Variants in CSNK1A1 observed in about 807,000 individuals in gnomAD.
CSNK1A1 encodes casein kinase 1 alpha 1, also known as casein kinase I isoform alpha.
A neutral mutation model predicts 46.1 loss-of-function variants in CSNK1A1; 7 were observed. The ratio of observed to expected loss-of-function variants is 0.15; its 90% CI spans 0.09 to 0.29. The LOEUF is 0.29. Among genes scored for constraint, CSNK1A1 ranks in the 10% least tolerant of loss-of-function variants. The pLI is 1.00. For synonymous variants in CSNK1A1, 137 were observed against 141.5 expected (o/e 0.97, Z 0.23); for missense variants, 96 against 417.1 (o/e 0.23, Z 6.71).
At chr5:149,506,526 C>T (rs528137536) in intron 8 of CSNK1A1, among the ~76,000 whole-genome samples, 5 of 152,144 alleles carry the variant, frequency 3.3e-5, no homozygotes, top group Non-Finnish European at 7.4e-5. Flanking sequence ...CGTGAGCCAC[C>T]GTACCTGGGC....
intron 2 of CSNK1A1, among the ~76,000 whole-genome samples, chr5:149,541,552 A>G (rs919159268): frequency 3.3e-5 from 5 of 152,358 alleles, no homozygotes; most frequent in African/African-American, 1.2e-4. Context: ...CATACACTGA[A>G]CACCAAGTTA....
chr5:149,501,576 T>C (rs527478616), intron 9 of CSNK1A1: 3 of 985,148 alleles, frequency 3.0e-6, no homozygotes, highest in East Asian at 1.1e-4. Context: ...TGAATGTCAA[T>C]ACTTTGAGAG....
chr5:149,542,641 T>C (rs1762311599), intron 2 of CSNK1A1, among the ~76,000 whole-genome samples: 3 of 3,404 alleles, frequency 8.8e-4, no homozygotes, highest in East Asian at 7.2e-3. Flanking sequence ...TATATATATG[T>C]ATATATATAT....
At chr5:149,523,745 T>C (rs1761647257) in intron 3 of CSNK1A1, among the ~76,000 whole-genome samples, 1 of 152,252 alleles carries the variant, frequency 6.6e-6, no homozygotes, top group Admixed American at 6.5e-5. Flanking sequence ...GTTACATGTA[T>C]ACAATGTGTA....
intron 4 of CSNK1A1, among the ~76,000 whole-genome samples, chr5:149,519,490 T>C (rs1261514279): frequency 6.6e-6 from 1 of 152,084 alleles, no homozygotes; most frequent in South Asian, 2.1e-4. Flanking sequence ...CTCAACATAG[T>C]ATCGATAAAG....
intron 2 of CSNK1A1, among the ~76,000 whole-genome samples, chr5:149,538,775 A>C (rs1303785472): frequency 1.3e-5 from 2 of 152,088 alleles, no homozygotes; most frequent in Admixed American, 1.3e-4. Context: ...ATACAAAATT[A>C]GCCGAGTGTG....
At chr5:149,504,477 C>T (rs938531497) in intron 9 of CSNK1A1, 2 of 985,444 alleles carry the variant, frequency 2.0e-6, no homozygotes, top group Non-Finnish European at 2.4e-6. Context: ...CCAAATCTTA[C>T]TTGCCCACTA....
chr5:149,511,787 G>C lies in CSNK1A1; in HGVS notation c.675+7C>G, dbSNP rs763134035. ...GAGAAAAATCTGATAATGTGAGTCT[G>C]GTTTACCTTTAGCCCTTGCCATGGC... On this transcript the variant is annotated splice_region_variant and intron_variant, in intron 6 of 9. Transcript: ENST00000377843. The C allele has an allele frequency of 1.5e-5, 23 of 1,574,974 alleles. No individual in the cohort carries two copies. Among genetic ancestry groups the C allele is most frequent in the Non-Finnish European group, 2.0e-5 (23 of 1,152,486 alleles).
Position 149,496,504 on chromosome 5 carries a change from T to G in CSNK1A1, c.*349A>C. ...GAAATGAGATCTCAAAGCAGTATAG[T>G]TCAAAACAAAAGGTTTTAACAAAAA... On this transcript the variant is annotated 3_prime_UTR_variant, in exon 10 of 10. Transcript: ENST00000377843. 3.4e-6 allele frequency: 1 copy of G among 290,918 alleles called. No individual in the cohort carries two copies. The highest frequency in any genetic ancestry group is 6.6e-5 in the East Asian group (1 of 15,146). The allele number at this position is 290,918 out of a possible 1,614,324, so 18.0% of individuals were successfully genotyped here.
Position 149,528,480 on chromosome 5 carries a change from C to G in CSNK1A1, c.231-3309G>C, listed in dbSNP as rs561473772. 9.8e-5 allele frequency among the ~76,000 whole-genome samples: 15 copies of G among 152,318 alleles called. 1 individual carries two copies. Among genetic ancestry groups the G allele is most frequent in the African/African-American group, 3.1e-4 (13 of 41,580 alleles). ...ACACCCTCCATCTGTGCTCTTCCATCTGGACTAACTCATTCAGACATTATC... is the reference window on the plus strand; with the variant it reads ...ACACCCTCCATCTGTGCTCTTCCATGTGGACTAACTCATTCAGACATTATC... On this transcript the variant is annotated intron_variant, in intron 2 of 9. Coordinates refer to ENST00000377843, the MANE Select transcript of CSNK1A1 (RefSeq NM_001892.6).
intron 2 of CSNK1A1, among the ~76,000 whole-genome samples, chr5:149,531,811 C>G (rs546910211): frequency 8.6e-5 from 13 of 151,170 alleles, no homozygotes; most frequent in African/African-American, 3.2e-4. Context: ...TGCACTCAAG[C>G]CTGGGTGACA....
At position 149,550,920 on chromosome 5, in the gene CSNK1A1, C is replaced by T. The variant is rs2113216617; in HGVS notation, c.45G>A (p.Gly15=). 2 of 1,614,210 alleles carry T rather than the reference C, an allele frequency of 1.2e-6. No individual in the cohort carries two copies. Among genetic ancestry groups the T allele is most frequent in the Non-Finnish European group, 1.7e-6 (2 of 1,180,024 alleles). The change falls in exon 1 of 10, where the codon GGG becomes GGA. Residue 15 remains glycine (G), a synonymous_variant. Transcript: ENST00000377843. This position sits in a 1 kb window ranked among gnomAD's most constrained non-coding sequence, Gnocchi z 4.3. ...SGSKAEFIVG[G]KYKLVRKIGS... is the part of the protein sequence containing the mutation. ...CGATCTTCCGTACCAGTTTATATTT[C>T]CCTCCGACAATGAATTCAGCCTTGG...
intron 6 of CSNK1A1, among the ~76,000 whole-genome samples, chr5:149,510,337 G>GT (rs1408859357): frequency 6.6e-6 from 1 of 151,024 alleles, no homozygotes; most frequent in Non-Finnish European, 1.5e-5. Flanking sequence ...AGGCTCAGCA[G>GT]TAATTCCCTG....
chr5:149,513,531 T>C (rs1761298398), intron 4 of CSNK1A1, among the ~76,000 whole-genome samples: 1 of 152,164 alleles, frequency 6.6e-6, no homozygotes, highest in Non-Finnish European at 1.5e-5. Flanking sequence ...AAGCAACAAG[T>C]GTGCTATCTG....
At chr5:149,505,819 A>G (rs1243222152) in intron 8 of CSNK1A1, among the ~76,000 whole-genome samples, 1 of 152,246 alleles carries the variant, frequency 6.6e-6, no homozygotes, top group Non-Finnish European at 1.5e-5. Flanking sequence ...AAGAGGAGGT[A>G]CTTCCTAAAA....
intron 3 of CSNK1A1, among the ~76,000 whole-genome samples, chr5:149,523,045 C>T (rs1580840077): frequency 6.9e-6 from 1 of 145,550 alleles, no homozygotes; most frequent in Non-Finnish European, 1.5e-5. Context: ...ATATTAAAGG[C>T]TTTTTTTTTT....
In CSNK1A1 at chr5:149,539,541, G is replaced by A. The variant is rs148142689; in HGVS notation, c.230+10534C>T. On this transcript the variant is annotated intron_variant, in intron 2 of 9. Transcript: ENST00000377843. ...TTCTAGGAAAAGATGGGGGTTGATG[G>A]GGGTGAGTAGCAAAGCAAAAATTAT... is the stretch of plus-strand genomic sequence containing the variant. Among the ~76,000 whole-genome samples the A allele has an allele frequency of 2.9e-3, 445 of 151,712 alleles. 3 individuals are homozygous for A. The highest frequency in any genetic ancestry group is 0.011 in the African/African-American group (437 of 41,408).
chr5:149,503,614 A>T, intron 9 of CSNK1A1: 2 of 985,242 alleles, frequency 2.0e-6, no homozygotes, highest in Non-Finnish European at 2.4e-6. Context: ...TAGCTACAAT[A>T]CAAAATAAGG....
intron 2 of CSNK1A1, chr5:149,549,380 A>C (rs529322475): frequency 1.5e-6 from 1 of 679,202 alleles, no homozygotes; most frequent in African/African-American, 1.8e-5. Context: ...ACATAGTGTA[A>C]TTCAACAATT....
Sources: allele counts gnomAD v4.1 joint callset (sites outside exome capture counted in the v4.1 genomes callset), GRCh38; gene constraint gnomAD v4.1.1; non-coding constraint Gnocchi (gnomAD v3.1); transcripts MANE v1.5; gene names NCBI Gene and HGNC (gene_info 2026-07-23, HGNC 2026-07-21).